Variants in TSNAX observed in about 807,000 individuals in gnomAD.
The protein encoded by TSNAX is translin associated factor X, also known as translin-associated protein X.
A neutral mutation model predicts 33.0 loss-of-function variants in TSNAX; 12 were observed. The ratio of observed to expected loss-of-function variants is 0.36; its 90% CI spans 0.23 to 0.59. The LOEUF (loss-of-function observed/expected upper bound fraction) is 0.59, where lower values mean the gene tolerates loss of function less well. Ranked by LOEUF, TSNAX falls within the 20% of genes least tolerant of loss-of-function variation. The pLI is 0.74. For synonymous variants in TSNAX, 110 were observed against 117.2 expected, an observed-to-expected ratio of 0.94 and a Z score of 0.40; for missense variants, 267 against 341.3, an observed-to-expected ratio of 0.78 and a Z score of 1.72.
Position 231,564,515 on chromosome 1 carries a change from G to GT in TSNAX, c.496-6dup, listed in dbSNP as rs769929275. The GT allele has an allele frequency of 1.5e-4, 246 of 1,589,594 alleles. No individual in the cohort carries two copies. The highest frequency in any genetic ancestry group is 1.1e-3 in the East Asian group (49 of 44,450). ...TGTGTGTGTGTTTTTGTTTTGTTTT[G>GT]TTTTTTTACCAGCCCTCCTCTGATG... On this transcript the variant is annotated splice_polypyrimidine_tract_variant and intron_variant, in intron 5 of 5. Transcript: ENST00000366639.
intron 4 of TSNAX, among the ~76,000 whole-genome samples, chr1:231,548,689 T>C (rs1252758559): frequency 6.6e-6 from 1 of 152,224 alleles, no homozygotes; most frequent in African/African-American, 2.4e-5. Flanking sequence ...GAAGGTGGAA[T>C]GGGTTTTGGA....
intron 4 of TSNAX, among the ~76,000 whole-genome samples, chr1:231,558,707 TG>T (rs904291078): frequency 1.3e-5 from 2 of 152,122 alleles, no homozygotes; most frequent in Admixed American, 6.5e-5. Context: ...AGATTTTCTT[TG>T]GGGGGGAACT....
At chr1:231,542,841 CAG>C (rs1659665658) in intron 4 of TSNAX, 1 of 389,514 alleles carries the variant, frequency 2.6e-6, no homozygotes, top group African/African-American at 2.1e-5. Flanking sequence ...TTTGAGAACA[CAG>C]ATTTAATAGG....
intron 3 of TSNAX, among the ~76,000 whole-genome samples, chr1:231,539,242 C>T (rs1196748079): frequency 6.6e-6 from 1 of 151,934 alleles, no homozygotes; most frequent in African/African-American, 2.4e-5. Context: ...AAACAATTGC[C>T]ATCAGTATTC....
chr1:231,549,129 A>G (rs1357984488), intron 4 of TSNAX, among the ~76,000 whole-genome samples: 1 of 152,100 alleles, frequency 6.6e-6, no homozygotes, highest in Non-Finnish European at 1.5e-5. Flanking sequence ...GTGGTGGGGA[A>G]ATGGTATGGA....
In TSNAX at chr1:231,528,693, C is replaced by A; in HGVS notation, c.-118C>A. The A allele has an allele frequency of 8.3e-7, 1 of 1,204,388 alleles. No individual in the cohort carries two copies. Among genetic ancestry groups the A allele is most frequent in the Non-Finnish European group, 1.2e-6 (1 of 825,354 alleles). 74.6% of individuals were successfully genotyped at this position (1,204,388 alleles called of 1,614,324 possible). ...TCCGGCCACTGCGTTGTAGTCGGCC[C>A]GGCTGCAAAGCGTTTTTCTGCAGGC... On this transcript the variant is annotated 5_prime_UTR_variant, in exon 1 of 6. Coordinates refer to ENST00000366639, the MANE Select transcript of TSNAX (RefSeq NM_005999.3).
intron 4 of TSNAX, among the ~76,000 whole-genome samples, chr1:231,552,107 A>C (rs1423630061): frequency 6.6e-6 from 1 of 152,134 alleles, no homozygotes; most frequent in Non-Finnish European, 1.5e-5. Context: ...ACCAGCCTAG[A>C]CAACATGATG....
intron 4 of TSNAX, among the ~76,000 whole-genome samples, chr1:231,556,111 A>G (rs1311221060): frequency 6.6e-6 from 1 of 152,224 alleles, no homozygotes. Context: ...AATATCATGC[A>G]TTTGTCCATG....
chr1:231,552,443 G>A (rs1190200249), intron 4 of TSNAX, among the ~76,000 whole-genome samples: 1 of 152,166 alleles, frequency 6.6e-6, no homozygotes, highest in African/African-American at 2.4e-5. Flanking sequence ...TCATGTATTT[G>A]AAAGTAGATT....
chr1:231,564,478 T>C (rs756557562), intron 5 of TSNAX, 50 bp from the exon 6 acceptor site: 73 of 1,563,468 alleles, frequency 4.7e-5, no homozygotes, highest in Non-Finnish European at 6.2e-5. Flanking sequence ...ACAGTGTTCT[T>C]TCTTGTGTGT....
intron 4 of TSNAX, among the ~76,000 whole-genome samples, chr1:231,557,173 T>C (rs896733753): frequency 6.6e-6 from 1 of 152,094 alleles, no homozygotes; most frequent in Non-Finnish European, 1.5e-5. Context: ...CAGATACTCA[T>C]TTGGATGTGA....
intron 4 of TSNAX, among the ~76,000 whole-genome samples, chr1:231,543,041 G>A (rs767377978): frequency 6.6e-6 from 1 of 151,936 alleles, no homozygotes; most frequent in Admixed American, 6.6e-5. Flanking sequence ...AGCCAGGTGC[G>A]TTGGCGGGCG....
Position 231,528,741 on chromosome 1 carries a change from C to T in TSNAX, c.-70C>T. 3 of 1,599,290 alleles carry T rather than the reference C, an allele frequency of 1.9e-6. No individual in the cohort carries two copies. In the Admixed American group the frequency reaches 5.0e-5, roughly 27 times the overall value. On this transcript the variant is annotated 5_prime_UTR_variant, in exon 1 of 6. Coordinates refer to ENST00000366639, the MANE Select transcript of TSNAX (RefSeq NM_005999.3). ...GGCTGTTTTCCCAGGTTCCCTCGGC[C>T]TGTACCTCGCGCACTCCTCTTGCTC...
chr1:231,560,164 A>G (rs1660969763), intron 4 of TSNAX, among the ~76,000 whole-genome samples: 1 of 150,840 alleles, frequency 6.6e-6, no homozygotes. Context: ...TATTTTTAGT[A>G]GAAATGTGGT....
chr1:231,551,867 C>T (rs1660325008), intron 4 of TSNAX, among the ~76,000 whole-genome samples: 1 of 151,770 alleles, frequency 6.6e-6, no homozygotes, highest in Non-Finnish European at 1.5e-5. Context: ...TTGCTTGCTC[C>T]TGTAGTCCTA....
At chr1:231,543,368 A>G (rs1339034666) in intron 4 of TSNAX, among the ~76,000 whole-genome samples, 1 of 151,540 alleles carries the variant, frequency 6.6e-6, no homozygotes, top group Non-Finnish European at 1.5e-5. Context: ...TTGGGAACAG[A>G]AGTGTTTCAG....
intron 5 of TSNAX, among the ~76,000 whole-genome samples, chr1:231,563,033 T>C (rs1441160238): frequency 6.6e-6 from 1 of 152,188 alleles, no homozygotes; most frequent in African/African-American, 2.4e-5. Context: ...CAAACAGTGC[T>C]AGGATTCAAG....
intron 3 of TSNAX, 59 bp downstream of exon 3, chr1:231,537,386 G>A: frequency 8.7e-7 from 1 of 1,149,044 alleles, no homozygotes. Flanking sequence ...AATATTCTGT[G>A]ACTTTGTGAG....
At chr1:231,537,364 A>G (rs770929721) in intron 3 of TSNAX, 37 bp downstream of exon 3, 6 of 1,322,404 alleles carry the variant, frequency 4.5e-6, no homozygotes, top group Non-Finnish European at 6.5e-6. Context: ...ACAGTTTGAT[A>G]CTAGCTATTA....
Sources: gnomAD v4.1 joint callset for allele counts (sites outside exome capture counted in the v4.1 genomes callset) on GRCh38, gnomAD v4.1.1 for gene constraint, MANE v1.5 for transcripts, NCBI Gene and HGNC (gene_info 2026-07-23, HGNC 2026-07-21) for gene names.